The following RALYL variants were observed in gnomAD, a reference collection of about 807,000 sequenced individuals.
RALYL encodes RALY RNA binding protein like.
A neutral mutation model predicts 35.1 loss-of-function variants in RALYL; 29 were observed. That is an observed-to-expected ratio of 0.83 (90% confidence interval 0.61 to 1.13). The LOEUF is 1.13. RALYL is among the 50% of genes most tolerant of loss of function. RALYL has a pLI of 0.00. For synonymous variants in RALYL, 120 were observed against 127.6 expected (o/e 0.94, Z 0.40); for missense variants, 359 against 360.4 (o/e 1.00, Z 0.03).
intron 2 of RALYL, among the ~76,000 whole-genome samples, chr8:84,599,730 A>T (rs562821554): frequency 2.3e-3 from 348 of 152,148 alleles, no homozygotes; most frequent in African/African-American, 5.2e-3. Context: ...CAACAACAAC[A>T]ATTTGGATTG....
At chr8:84,750,324 A>T (rs999147180) in intron 2 of RALYL, among the ~76,000 whole-genome samples, 8 of 152,224 alleles carry the variant, frequency 5.3e-5, no homozygotes, top group Admixed American at 5.2e-4. Context: ...CAAGATAGAA[A>T]CTACCTTTAC....
rs16912565 is a variant in RALYL, at chr8:84,228,360, T to G, written c.-24+43936T>G. ...TACAAAATTACTACCATAGAAGAAT[T>G]TTGATGGCACTTTTAATTCAAGTAC... On this transcript the variant is annotated intron_variant, in intron 1 of 8. Coordinates refer to ENST00000521268, the MANE Select transcript of RALYL (RefSeq NM_173848.7). Among the ~76,000 whole-genome samples, 1,024 of 152,118 alleles carry G rather than the reference T, an allele frequency of 6.7e-3. 51 individuals are homozygous for G. The East Asian group carries it at 0.12, about 18-fold the overall frequency.
At chr8:84,703,812 G>C (rs971631088) in intron 2 of RALYL, among the ~76,000 whole-genome samples, 1 of 152,094 alleles carries the variant, frequency 6.6e-6, no homozygotes, top group Non-Finnish European at 1.5e-5. Context: ...TATGGCATTG[G>C]TGTCTAAGAA....
chr8:84,504,404 G>A, intron 1 of RALYL, among the ~76,000 whole-genome samples: 1 of 152,008 alleles, frequency 6.6e-6, no homozygotes, highest in East Asian at 1.9e-4. Flanking sequence ...AATAATTTTG[G>A]AATTTAAGAG....
At chr8:84,674,779 T>C (rs1833881792) in intron 2 of RALYL, among the ~76,000 whole-genome samples, 1 of 152,204 alleles carries the variant, frequency 6.6e-6, no homozygotes, top group South Asian at 2.1e-4. Context: ...CTTAGTGCAG[T>C]CATTACTTGC....
intron 1 of RALYL, among the ~76,000 whole-genome samples, chr8:84,475,846 T>C (rs1001492879): frequency 1.1e-4 from 16 of 152,176 alleles, no homozygotes; most frequent in Non-Finnish European, 2.9e-5. Context: ...GCTGGCATAG[T>C]CTAGGTTGAA....
chr8:84,437,343 G>A (rs2047847220), intron 1 of RALYL, among the ~76,000 whole-genome samples: 1 of 152,098 alleles, frequency 6.6e-6, no homozygotes, highest in African/African-American at 2.4e-5. Context: ...TGTCTTTCTA[G>A]CAGAACAATT....
chr8:84,512,866 A>G (rs2057738803), intron 1 of RALYL, among the ~76,000 whole-genome samples: 1 of 152,124 alleles, frequency 6.6e-6, no homozygotes, highest in African/African-American at 2.4e-5. Flanking sequence ...TGGGTTATCA[A>G]TATTGTTCCA....
At chr8:84,725,959 T>G (rs937781932) in intron 2 of RALYL, among the ~76,000 whole-genome samples, 1 of 151,538 alleles carries the variant, frequency 6.6e-6, no homozygotes, top group African/African-American at 2.4e-5. Context: ...TGAAAACAAT[T>G]ATGCTTTATA....
chr8:84,689,145 G>A (rs1589024228), intron 2 of RALYL, among the ~76,000 whole-genome samples: 1 of 151,650 alleles, frequency 6.6e-6, no homozygotes, highest in African/African-American at 2.4e-5. Context: ...AGTTACATAT[G>A]TATACATGTG....
chr8:84,588,384 A>G (rs890200716), intron 2 of RALYL, among the ~76,000 whole-genome samples: 1 of 152,208 alleles, frequency 6.6e-6, no homozygotes, highest in African/African-American at 2.4e-5. Flanking sequence ...ATAAGGCAGA[A>G]AGAAGCCATA....
rs553351886 is a variant in RALYL at position 84,324,067 on chromosome 8, G to A, written c.-24+139643G>A. ...CTGTACTAAATTTTAAAGTATGCAC[G>A]TGTGTGTTTGTGATAGTGTGTGGGC... On this transcript the variant is annotated intron_variant, in intron 1 of 8. Transcript: ENST00000521268. Among the ~76,000 whole-genome samples the A allele has an allele frequency of 1.2e-4, 19 of 152,094 alleles. No individual in the cohort carries two copies. In the East Asian group the frequency reaches 2.5e-3, roughly 20 times the overall value.
At chr8:84,775,656 AGT>A (rs1175074026) in intron 3 of RALYL, among the ~76,000 whole-genome samples, 1 of 152,186 alleles carries the variant, frequency 6.6e-6, no homozygotes, top group East Asian at 1.9e-4. Context: ...CCAATTTGTC[AGT>A]GTCTATATCT....
chr8:84,222,284 AATT>A (rs1822425161), intron 1 of RALYL, among the ~76,000 whole-genome samples: 1 of 152,288 alleles, frequency 6.6e-6, no homozygotes, highest in East Asian at 1.9e-4. Flanking sequence ...TTATTGAACC[AATT>A]ATTTATTGAA....
intron 1 of RALYL, among the ~76,000 whole-genome samples, chr8:84,488,612 C>T (rs2054906670): frequency 1.3e-5 from 2 of 151,932 alleles, no homozygotes; most frequent in Non-Finnish European, 2.9e-5. Context: ...TACAAAGGAA[C>T]AACTGTGTAG....
intron 1 of RALYL, among the ~76,000 whole-genome samples, chr8:84,393,200 A>G (rs1861088327): frequency 6.6e-6 from 1 of 152,026 alleles, no homozygotes; most frequent in Admixed American, 6.6e-5. Flanking sequence ...TCAAGAAGTC[A>G]CTCAGGCCTG....
chr8:84,708,755 C>T (rs1388804735), intron 2 of RALYL, among the ~76,000 whole-genome samples: 1 of 152,046 alleles, frequency 6.6e-6, no homozygotes, highest in African/African-American at 2.4e-5. Context: ...TGTAACCTCC[C>T]TTGCTGAAAC....
At chr8:84,614,131 T>A (rs554067809) in intron 2 of RALYL, among the ~76,000 whole-genome samples, 1 of 151,692 alleles carries the variant, frequency 6.6e-6, no homozygotes, top group South Asian at 2.1e-4. Flanking sequence ...TTTGTTAGCA[T>A]CAATTTTCAA....
intron 4 of RALYL, among the ~76,000 whole-genome samples, chr8:84,846,161 C>A (rs1038122419): frequency 1.3e-5 from 2 of 152,060 alleles, no homozygotes; most frequent in African/African-American, 4.8e-5. Flanking sequence ...TCAATAGTTT[C>A]TTCCAGTTCT....
Sources: gnomAD v4.1 joint callset for allele counts (sites outside exome capture counted in the v4.1 genomes callset) on GRCh38, gnomAD v4.1.1 for gene constraint, MANE v1.5 for transcripts, NCBI Gene and HGNC (gene_info 2026-07-23, HGNC 2026-07-21) for gene names.